MXD3: variants seen among roughly 807,000 people sequenced by gnomAD.
The protein encoded by MXD3 is Max-associated protein 3.
Under a neutral mutation model 27.5 loss-of-function variants are expected in MXD3, and 20 were observed. That is an observed-to-expected ratio of 0.73 (90% CI 0.51 to 1.06). The LOEUF is 1.06. MXD3 is among the 50% of genes least tolerant of loss of function. MXD3 has a pLI of 0.00. For missense variants in MXD3, 298 were observed against 291.3 expected, an observed-to-expected ratio of 1.02 and a Z score of -0.17; for synonymous variants, 150 against 130.7, an observed-to-expected ratio of 1.15 and a Z score of -1.01.
upstream of MXD3, chr5:177,312,517 C>T (rs1428558571): frequency 1.0e-6 from 1 of 985,316 alleles, no homozygotes; most frequent in Non-Finnish European, 1.2e-6. Context: ...GGCCTCAATG[C>T]GCAGGCGCCG....
chr5:177,311,928 C>G, upstream of MXD3: 1 of 1,424,676 alleles, frequency 7.0e-7, no homozygotes, highest in Non-Finnish European at 9.3e-7. Context: ...GCAACAAACA[C>G]AGGGGCCCGC....
At chr5:177,311,028 C>G in intron 2 of MXD3, 2 of 563,060 alleles carry the variant, frequency 3.6e-6, no homozygotes, top group Non-Finnish European at 6.3e-6. Flanking sequence ...GAGGGGCATT[C>G]AAATAGGAGG....
Position 177,307,413 on chromosome 5 carries a change from G to C in MXD3, c.*175C>G. 6.7e-7 allele frequency: 1 copy of C among 1,491,586 alleles called. No individual in the cohort carries two copies. The highest frequency in any genetic ancestry group is 1.2e-5 in the South Asian group (1 of 83,002). 92.4% of individuals were successfully genotyped at this position (1,491,586 alleles called of 1,614,324 possible). On this transcript the variant is annotated 3_prime_UTR_variant, in exon 6 of 6. Transcript: ENST00000439742. ...AGTCCTGCCCCTTCCCTTCCAGAGG[G>C]CCTGCCTGGCAGCCAGCAGCAGGGT...
chr5:177,312,230 C>T, upstream of MXD3: 1 of 987,892 alleles, frequency 1.0e-6, no homozygotes, highest in South Asian at 4.5e-5. Context: ...TAGCACGGCG[C>T]TCTGGGGGCC....
chr5:177,311,337 G>GCCCCCCCCCCCCCC, intron 2 of MXD3, 42 bp downstream of exon 2: 1 of 1,317,602 alleles, frequency 7.6e-7, no homozygotes, highest in Non-Finnish European at 1.0e-6. Context: ...CAGGGGCGGC[G>GCCCCCCCCCCCCCC]CCCACCCCCA....
In MXD3 at chr5:177,307,443, G is replaced by T; in HGVS notation, c.*145C>A. 6.6e-7 allele frequency: 1 copy of T among 1,516,406 alleles called. No individual in the cohort carries two copies. The highest frequency in any genetic ancestry group is 8.9e-7 in the Non-Finnish European group (1 of 1,125,520). The allele number at this position is 1,516,406 out of a possible 1,614,324, so 93.9% of individuals were successfully genotyped here. On this transcript the variant is annotated 3_prime_UTR_variant, in exon 6 of 6. Transcript: ENST00000439742. ...CCTGGCAGCCAGCAGCAGGGTGTTT[G>T]GGGAGCACCTGTTCCCACACAAGGG... is the stretch of plus-strand genomic sequence containing the variant.
At chr5:177,308,032 A>G (rs1760933975) in intron 4 of MXD3, 68 bp from the exon 5 acceptor site, 1 of 1,393,244 alleles carries the variant, frequency 7.2e-7, no homozygotes, top group Non-Finnish European at 9.5e-7. Context: ...CCCCAGCACC[A>G]CTCAGTACCG....
At position 177,307,780 on chromosome 5, in the gene MXD3, C is replaced by T; in HGVS notation, c.505+1G>A. On this transcript the variant is annotated splice_donor_variant, in intron 5 of 5. Transcript: ENST00000439742. LOFTEE classifies it high-confidence loss of function. ...CAACCCCTCAGCCTCGGGGCACTCA[C>T]CTTGGTCTGAGTCTGAGCGCTCAGA... is the stretch of plus-strand genomic sequence containing the variant. The T allele has an allele frequency of 6.2e-7, 1 of 1,613,210 alleles. No individual in the cohort carries two copies. The highest frequency in any genetic ancestry group is 1.1e-5 in the South Asian group (1 of 91,070).
In MXD3 at chr5:177,310,462, C is replaced by A; in HGVS notation, c.285G>T (p.Thr95=). Residue 95 remains threonine (T), a synonymous_variant, in exon 4 of 6, where the codon ACG becomes ACT. Transcript: ENST00000439742. ...PLGADCARYT[T]LSLLRRARMH... ...TCCTGGCACGGCGCAGCAGGCTCAG[C>A]GTGGTGTACCGGGCACAGTCGGCCC... 6.2e-7 allele frequency: 1 copy of A among 1,613,038 alleles called. No homozygotes were observed.
upstream of MXD3, chr5:177,312,159 C>A: frequency 5.7e-6 from 6 of 1,043,784 alleles, no homozygotes; most frequent in Non-Finnish European, 6.9e-6. Flanking sequence ...TCCACCCACG[C>A]CGGCTCATTG....
At chr5:177,310,274 G>C in intron 4 of MXD3, 152 bp downstream of exon 4, 1 of 608,880 alleles carries the variant, frequency 1.6e-6, no homozygotes. Context: ...CCATTTAATG[G>C]ATCTGGAAAG....
upstream of MXD3, chr5:177,312,643 A>G (rs1382586934): frequency 4.0e-5 from 39 of 985,468 alleles, no homozygotes; most frequent in South Asian, 1.9e-4. Context: ...AATGGGAATA[A>G]TATCTCGGCC....
In MXD3 at chr5:177,310,471, C is replaced by G; in HGVS notation, c.276G>C (p.Arg92=). Residue 92 remains arginine, a synonymous_variant, in exon 4 of 6, where the codon CGG becomes CGC. Coordinates refer to ENST00000439742, the MANE Select transcript of MXD3 (RefSeq NM_031300.4). ...GGCGCAGCAGGCTCAGCGTGGTGTA[C>G]CGGGCACAGTCGGCCCCCAGGGGCA... The part of the protein sequence containing the change: ...QQMPLGADCA[R]YTTLSLLRRA... The G allele has an allele frequency of 6.2e-7, 1 of 1,613,230 alleles. No homozygotes were observed. Among genetic ancestry groups the G allele is most frequent in the South Asian group, 1.1e-5 (1 of 90,978 alleles).
chr5:177,312,689 G>A, upstream of MXD3: 6 of 985,380 alleles, frequency 6.1e-6, no homozygotes, highest in Non-Finnish European at 7.2e-6. Context: ...TTGTTGCTAC[G>A]AAAACGTCAG....
At chr5:177,306,207 T>C (rs779289713), downstream of MXD3, 19 of 1,598,240 alleles carry the variant, frequency 1.2e-5, no homozygotes, top group Admixed American at 1.7e-5. Context: ...ATATTCCTCA[T>C]AGGGAGAGGC....
upstream of MXD3, chr5:177,312,192 G>T (rs899687619): frequency 2.3e-5 from 23 of 1,021,822 alleles, no homozygotes; most frequent in Non-Finnish European, 2.5e-5. Flanking sequence ...TCAGCTTCCA[G>T]CCCCGTGCTA....
chr5:177,306,379 T>C (rs996674370), downstream of MXD3: 2 of 1,613,086 alleles, frequency 1.2e-6, no homozygotes, highest in African/African-American at 1.3e-5. Flanking sequence ...TAGGTTGGTC[T>C]TTCAGGCATC....
Position 177,307,667 on chromosome 5 carries a change from C to G in MXD3, c.542G>C (p.Gly181Ala), listed in dbSNP as rs775063817. The G allele has an allele frequency of 5.0e-6, 8 of 1,613,664 alleles. No individual in the cohort carries two copies. The highest frequency in any genetic ancestry group is 2.2e-5 in the East Asian group (1 of 44,880). Residue 181 changes from glycine (G) to alanine (A), a missense_variant, in exon 6 of 6, where the codon GGG (glycine) becomes GCG (alanine). Gly to Ala is a moderately conservative substitution (Grantham distance 60). Transcript: ENST00000439742. Reference sequence around the variant, plus strand: ...GCCCCGCAGCAGCTCGGCCTCACCCCCAAACACCAGGCTCTCCACATCCAC... The same window carrying G: ...GCCCCGCAGCAGCTCGGCCTCACCCGCAAACACCAGGCTCTCCACATCCAC... ...LEVDVESLVF[G>A]GEAELLRGFV... is the part of the protein sequence containing the mutation.
chr5:177,307,701 CCT>C lies in MXD3; in HGVS notation c.506_507del (p.Glu169GlyfsTer14). On this transcript the variant is annotated frameshift_variant and splice_region_variant, in exon 6 of 6. Coordinates refer to ENST00000439742, the MANE Select transcript of MXD3 (RefSeq NM_031300.4). LOFTEE classifies it high-confidence loss of function. ...LSSERSDSDQ[E>X]ELEVDVESLV... Reference sequence around the variant, plus strand: ...AGGCTCTCCACATCCACCTCCAGCTCCTCTGCGCGGGGAGGGGTCCGGTCAGA... The same window carrying C: ...AGGCTCTCCACATCCACCTCCAGCTCCTGCGCGGGGAGGGGTCCGGTCAGA... 1 of 1,613,806 alleles carries C rather than the reference CCT, an allele frequency of 6.2e-7. No individual in the cohort carries two copies.
Sources: allele counts gnomAD v4.1 joint callset, GRCh38; gene constraint gnomAD v4.1.1; transcripts MANE v1.5; gene names NCBI Gene and HGNC (gene_info 2026-07-23, HGNC 2026-07-21).